Variants in OPCML observed in about 807,000 individuals in gnomAD.
The protein encoded by OPCML is opioid-binding protein/cell adhesion molecule.
OPCML carries 13 observed loss-of-function variants against 37.8 expected under a neutral mutation model. The observed-to-expected ratio is 0.34, with a 90% CI of 0.22 to 0.55. The LOEUF (loss-of-function observed/expected upper bound fraction) is 0.55. Ranked by LOEUF, OPCML falls within the 20% of genes least tolerant of loss-of-function variation. The pLI is 0.91. For missense variants in OPCML, 341 were observed against 435.6 expected (o/e 0.78, Z 1.93); for synonymous variants, 176 against 168.8 (o/e 1.04, Z -0.33).
chr11:132,455,423 T>C (rs1300473950), intron 4 of OPCML, among the ~76,000 whole-genome samples: 6 of 152,174 alleles, frequency 3.9e-5, no homozygotes, highest in African/African-American at 1.4e-4. Flanking sequence ...CTGCAAGTAA[T>C]AACCACTTCT....
At chr11:133,400,985 C>T (rs974857693) in intron 1 of OPCML, among the ~76,000 whole-genome samples, 2 of 152,130 alleles carry the variant, frequency 1.3e-5, no homozygotes, top group Non-Finnish European at 2.9e-5. Context: ...TGTTAACAAG[C>T]GTCAGAATAT....
chr11:132,797,184 C>G (rs2136194063), intron 2 of OPCML, among the ~76,000 whole-genome samples: 1 of 152,306 alleles, frequency 6.6e-6, no homozygotes, highest in South Asian at 2.1e-4. Flanking sequence ...TTTACCCACC[C>G]AGTCTCAGGA....
intron 1 of OPCML, among the ~76,000 whole-genome samples, chr11:133,130,698 C>A (rs1292276858): frequency 6.6e-6 from 1 of 152,158 alleles, no homozygotes; most frequent in East Asian, 1.9e-4. Context: ...ACATACAAAG[C>A]TACAGTGATC....
chr11:133,140,239 C>T (rs544226336), intron 1 of OPCML, among the ~76,000 whole-genome samples: 148 of 143,298 alleles, frequency 1.0e-3, no homozygotes, highest in South Asian at 4.0e-3. Flanking sequence ...AGGCTGGACG[C>T]GGTGGCTTAC....
chr11:132,534,243 A>C (rs1212060253), intron 3 of OPCML, among the ~76,000 whole-genome samples: 1 of 152,052 alleles, frequency 6.6e-6, no homozygotes, highest in Non-Finnish European at 1.5e-5. Flanking sequence ...CTCTTGTTAC[A>C]ATCTCTCCTC....
intron 3 of OPCML, among the ~76,000 whole-genome samples, chr11:132,541,494 G>A (rs569206595): frequency 6.7e-6 from 1 of 149,376 alleles, no homozygotes; most frequent in African/African-American, 2.5e-5. Flanking sequence ...CCAATGTTAT[G>A]GGCTCTTTAT....
chr11:132,640,777 G>A (rs990947623), intron 3 of OPCML, among the ~76,000 whole-genome samples: 1 of 152,112 alleles, frequency 6.6e-6, no homozygotes, highest in African/African-American at 2.4e-5. Flanking sequence ...GAGCTCATAT[G>A]ACACCTTCAG....
At chr11:133,350,215 A>C (rs1240944504) in intron 1 of OPCML, among the ~76,000 whole-genome samples, 1 of 152,200 alleles carries the variant, frequency 6.6e-6, no homozygotes, top group Non-Finnish European at 1.5e-5. Flanking sequence ...TTCGAAATCA[A>C]AAGGAGAATA....
intron 1 of OPCML, among the ~76,000 whole-genome samples, chr11:133,511,689 T>C (rs1335396895): frequency 6.6e-6 from 1 of 152,048 alleles, no homozygotes; most frequent in Admixed American, 6.5e-5. Context: ...CCATTCTCCA[T>C]AGCCTGATGT....
At chr11:133,504,634 T>G (rs1947988409) in intron 1 of OPCML, among the ~76,000 whole-genome samples, 1 of 152,152 alleles carries the variant, frequency 6.6e-6, no homozygotes, top group South Asian at 2.1e-4. Context: ...GCGGCGATGT[T>G]TTTCTGCTGA....
intron 1 of OPCML, among the ~76,000 whole-genome samples, chr11:133,247,589 G>GTCTT (rs1267279445): frequency 0.013 from 305 of 23,354 alleles, 1 homozygote; most frequent in African/African-American, 0.049. Context: ...TCTTTCATCT[G>GTCTT]TCTTTCTTTC....
intron 2 of OPCML, among the ~76,000 whole-genome samples, chr11:132,710,789 A>G (rs1347883443): frequency 6.6e-6 from 1 of 151,940 alleles, no homozygotes; most frequent in Admixed American, 6.6e-5. Flanking sequence ...TGGGAGGTGG[A>G]GGTTGCGGTG....
At chr11:132,485,337 C>T (rs561041160) in intron 4 of OPCML, among the ~76,000 whole-genome samples, 1 of 152,216 alleles carries the variant, frequency 6.6e-6, no homozygotes, top group East Asian at 1.9e-4. Context: ...AGAGGGGGTT[C>T]CAATTCACGG....
At chr11:133,126,871 G>T (rs1949525728) in intron 1 of OPCML, among the ~76,000 whole-genome samples, 1 of 152,150 alleles carries the variant, frequency 6.6e-6, no homozygotes, top group Non-Finnish European at 1.5e-5. Context: ...AATGGAAAAG[G>T]TGCATGTCAT....
intron 1 of OPCML, among the ~76,000 whole-genome samples, chr11:133,306,957 G>A (rs927606176): frequency 1.3e-5 from 2 of 152,120 alleles, no homozygotes; most frequent in Non-Finnish European, 2.9e-5. Flanking sequence ...TATCTGTGTG[G>A]TTAGTAGATA....
chr11:132,986,657 C>T (rs1183485767), intron 1 of OPCML, among the ~76,000 whole-genome samples: 3 of 152,078 alleles, frequency 2.0e-5, no homozygotes, highest in Non-Finnish European at 4.4e-5. Flanking sequence ...GAAAGTTAAG[C>T]TTGTAAGGGT....
At chr11:132,535,054 T>C (rs1391685103) in intron 3 of OPCML, among the ~76,000 whole-genome samples, 1 of 148,418 alleles carries the variant, frequency 6.7e-6, no homozygotes, top group Non-Finnish European at 1.5e-5. Context: ...ATGTTATATA[T>C]AATAATATGG....
At chr11:132,822,257 C>T (rs961087421) in intron 2 of OPCML, among the ~76,000 whole-genome samples, 1 of 152,018 alleles carries the variant, frequency 6.6e-6, no homozygotes, top group African/African-American at 2.4e-5. Context: ...TCCTCACTCT[C>T]CCTCTCCCAC....
intron 2 of OPCML, among the ~76,000 whole-genome samples, chr11:132,934,814 C>T (rs926272947): frequency 9.9e-5 from 15 of 152,062 alleles, no homozygotes; most frequent in African/African-American, 3.6e-4. Context: ...CCTCATCCAT[C>T]AGAGTAGTGA....
Sources: gnomAD v4.1 joint callset for allele counts (sites outside exome capture counted in the v4.1 genomes callset) on GRCh38, gnomAD v4.1.1 for gene constraint, MANE v1.5 for transcripts, NCBI Gene and HGNC (gene_info 2026-07-23, HGNC 2026-07-21) for gene names.